Variants in PAGE5 observed in about 807,000 individuals in gnomAD.
PAGE5 encodes the protein PAGE family member 5, also known as P antigen family member 5.
Under a neutral mutation model 8.1 loss-of-function variants are expected in PAGE5, and 8 were observed. The ratio of observed to expected loss-of-function variants is 0.98; its 90% confidence interval spans 0.58 to 1.77. The LOEUF is 1.77. Ranked by LOEUF, PAGE5 falls within the 40% of genes most tolerant of loss-of-function variation. The pLI is 0.00. For synonymous variants in PAGE5, 30 were observed against 27.0 expected, an observed-to-expected ratio of 1.11 and a Z score of -0.35; for missense variants, 64 against 77.6, an observed-to-expected ratio of 0.82 and a Z score of 0.66.
chrX:55,220,576 T>C, intron 1 of PAGE5, 124 bp downstream of exon 1: 1 of 1,183,534 alleles, frequency 8.4e-7, no homozygotes, highest in Non-Finnish European at 1.1e-6. Context: ...CTCGCGGTGG[T>C]CCTCCGCCTT....
intron 4 of PAGE5, 122 bp downstream of exon 4, chrX:55,222,868 A>G (rs1346946498): frequency 1.1e-6 from 1 of 898,410 alleles, no homozygotes; most frequent in Admixed American, 3.0e-5. Flanking sequence ...AGATTCTTTG[A>G]AGGTAGTTCA....
chrX:55,223,434 G>C (rs936145104), intron 4 of PAGE5, among the ~76,000 whole-genome samples: 7 of 111,501 alleles, frequency 6.3e-5, no homozygotes, highest in African/African-American at 2.3e-4. Flanking sequence ...TGAGAGGCAG[G>C]AGTACCAATG....
In PAGE5 at chrX:55,221,814, T is replaced by C. The variant is rs1187649712; in HGVS notation, c.129T>C (p.Thr43=). 8.3e-7 allele frequency: 1 copy of C among 1,210,245 alleles called. No individual in the cohort carries two copies. Among genetic ancestry groups the C allele is most frequent in the Non-Finnish European group, 1.1e-6 (1 of 894,880 alleles). The stretch of plus-strand genomic sequence containing the variant: ...AACGTCAAGAAGAGGAACCACCAAC[T>C]GATAATCAGGGTATTGCACCTAGTG... ...EEKRQEEEPP[T]DNQGIAPSGE... is the part of the protein sequence containing the mutation. Residue 43 remains threonine, a synonymous_variant, in exon 3 of 5, where the codon ACT becomes ACC. Transcript: ENST00000374955.
At chrX:55,223,176 A>C (rs1163052696) in intron 4 of PAGE5, among the ~76,000 whole-genome samples, 1 of 112,636 alleles carries the variant, frequency 8.9e-6, no homozygotes, top group East Asian at 2.8e-4. Flanking sequence ...CATGATAAAT[A>C]TATATGATTT....
chrX:55,222,603 C>T lies in PAGE5; in HGVS notation c.191-18C>T, dbSNP rs761494646. ...GTTCATATTTTAATTCGTAAATTGA[C>T]GACTTTTTATCTTTAAGGGACTGAT... On this transcript the variant is annotated intron_variant, in intron 3 of 4. Coordinates refer to ENST00000374955, the MANE Select transcript of PAGE5 (RefSeq NM_001013435.3). 2.7e-5 allele frequency: 32 copies of T among 1,194,433 alleles called. No individual in the cohort carries two copies. Among genetic ancestry groups the T allele is most frequent in the Middle Eastern group, 2.3e-4 (1 of 4,333 alleles).
rs994377082 is a variant in PAGE5, at chrX:55,224,100, C to G, written c.*97C>G. On this transcript the variant is annotated 3_prime_UTR_variant, in exon 5 of 5. Coordinates refer to ENST00000374955, the MANE Select transcript of PAGE5 (RefSeq NM_001013435.3). ...TCTCTTAATAAAGTTTTACAGTTTTCTGCAAAGACTTCTGCACTTTTTTGT... is the reference window on the plus strand; with the variant it reads ...TCTCTTAATAAAGTTTTACAGTTTTGTGCAAAGACTTCTGCACTTTTTTGT... 1.6e-6 allele frequency: 1 copy of G among 639,118 alleles called. No homozygotes were observed. The highest frequency in any genetic ancestry group is 2.3e-5 in the African/African-American group (1 of 44,373). 52.7% of individuals were successfully genotyped at this position (639,118 alleles called of 1,213,427 possible). A position where few individuals can be genotyped will look rare whatever the true frequency, so the allele number is the denominator to read the frequency against.
At position 55,220,464 on chromosome X, in the gene PAGE5, G is replaced by C. The variant is rs767766606; in HGVS notation, c.-9+12G>C. 2.9e-4 allele frequency: 166 copies of C among 582,331 alleles called. No individual in the cohort carries two copies. Among genetic ancestry groups the C allele is most frequent in the Non-Finnish European group, 4.5e-4 (155 of 344,135 alleles). 48.0% of individuals were successfully genotyped at this position (582,331 alleles called of 1,213,427 possible). A position where few individuals can be genotyped will look rare whatever the true frequency, so the allele number is the denominator to read the frequency against. ...CCGAGACTCAGCCGGTAGGTCTGCA[G>C]AGTGGTCTTCCTGGTAATTTAGTTG... On this transcript the variant is annotated intron_variant, in intron 1 of 4. Transcript: ENST00000374955.
chrX:55,223,832 C>T (rs1363831847), intron 4 of PAGE5, among the ~76,000 whole-genome samples, 155 bp from the exon 5 acceptor site: 1 of 111,701 alleles, frequency 9.0e-6, no homozygotes, highest in Non-Finnish European at 1.9e-5. Context: ...GGAAGTCTAC[C>T]TTCTGAGTTT....
At chrX:55,221,172 T>A (rs1006367825) in intron 1 of PAGE5, among the ~76,000 whole-genome samples, 18 of 111,636 alleles carry the variant, frequency 1.6e-4, no homozygotes, top group African/African-American at 5.5e-4. Context: ...CGTTAAGGTG[T>A]TTTCTGTGCC....
In PAGE5 at chrX:55,221,760, C is replaced by A. The variant is rs368950909; in HGVS notation, c.82-7C>A. 5.0e-6 allele frequency: 6 copies of A among 1,206,809 alleles called. No homozygotes were observed. Among genetic ancestry groups the A allele is most frequent in the South Asian group, 1.8e-5 (1 of 55,993 alleles). On this transcript the variant is annotated splice_polypyrimidine_tract_variant and splice_region_variant and intron_variant, in intron 2 of 4. Coordinates refer to ENST00000374955, the MANE Select transcript of PAGE5 (RefSeq NM_001013435.3). ...CTTTTTATTCGCACACACACTTACA[C>A]CCTTAGGTCCAGCAGCCCACTGAGG...
At position 55,223,992 on chromosome X, in the gene PAGE5, G is replaced by A; in HGVS notation, c.322G>A (p.Gly108Arg). 1 of 1,147,518 alleles carries A rather than the reference G, an allele frequency of 8.7e-7. No homozygotes were observed. The highest frequency in any genetic ancestry group is 1.2e-6 in the Non-Finnish European group (1 of 854,940). 94.6% of individuals were successfully genotyped at this position (1,147,518 alleles called of 1,213,427 possible). The change falls in exon 5 of 5, where the codon GGG becomes AGG. Residue 108 changes from glycine to arginine, a missense_variant. By Grantham distance (125) the Gly-to-Arg change is moderately radical. Coordinates refer to ENST00000374955, the MANE Select transcript of PAGE5 (RefSeq NM_001013435.3). Reference protein sequence around the residue: ...DPTKVLEAGEGQL With the variant: ...DPTKVLEAGERQL ...ATTTTATATTTATATTATAGGTGAAGGGCAACTATAGGTTTAAACCAAGAC... is the reference window on the plus strand; with the variant it reads ...ATTTTATATTTATATTATAGGTGAAAGGCAACTATAGGTTTAAACCAAGAC...
chrX:55,220,735 C>A, intron 1 of PAGE5: 1 of 948,857 alleles, frequency 1.1e-6, no homozygotes, highest in Non-Finnish European at 1.4e-6. Context: ...GTCCCGAAAA[C>A]GCCTGGAACT....
chrX:55,223,919 A>G, intron 4 of PAGE5, 68 bp from the exon 5 acceptor site: 2 of 905,017 alleles, frequency 2.2e-6, no homozygotes, highest in South Asian at 5.7e-5. Flanking sequence ...CTGTAGTTGT[A>G]TACTTCTAGT....
chrX:55,220,802 G>A (rs1231983709), intron 1 of PAGE5: 5 of 607,801 alleles, frequency 8.2e-6, no homozygotes, highest in Non-Finnish European at 2.5e-6. Context: ...GGGATGGTGT[G>A]GGTGGTAAGG....
At chrX:55,220,582 G>A (rs1304273412) in intron 1 of PAGE5, 130 bp downstream of exon 1, 20 of 1,186,861 alleles carry the variant, frequency 1.7e-5, no homozygotes, top group African/African-American at 7.1e-5. Flanking sequence ...GTGGTCCTCC[G>A]CCTTCCCCCA....
At chrX:55,222,208 C>T (rs1303838406) in intron 3 of PAGE5, among the ~76,000 whole-genome samples, 1 of 112,118 alleles carries the variant, frequency 8.9e-6, no homozygotes, top group Non-Finnish European at 1.9e-5. Context: ...TGGCAGCTTG[C>T]AGCTTCCTAG....
At chrX:55,221,085 T>A (rs749740253) in intron 1 of PAGE5, among the ~76,000 whole-genome samples, 5 of 110,745 alleles carry the variant, frequency 4.5e-5, no homozygotes, top group Non-Finnish European at 9.4e-5. Flanking sequence ...CTGCCCGTTT[T>A]TTTCCTAAAT....
chrX:55,223,210 A>G (rs1026792317), intron 4 of PAGE5, among the ~76,000 whole-genome samples: 10 of 112,594 alleles, frequency 8.9e-5, no homozygotes, highest in African/African-American at 2.9e-4. Context: ...TAAAAGAAAG[A>G]TAAGAAAAGG....
In PAGE5 at chrX:55,223,090, C is replaced by T. The variant is rs539421876; in HGVS notation, c.316+344C>T. On this transcript the variant is annotated intron_variant, in intron 4 of 4. Coordinates refer to ENST00000374955, the MANE Select transcript of PAGE5 (RefSeq NM_001013435.3). ...GAGTAGATTTTGAGTGTCTTCACAG[C>T]TATATGAAATAATGCATATATTAAT... Among the ~76,000 whole-genome samples the T allele has an allele frequency of 3.2e-3, 353 of 111,911 alleles. 2 individuals are homozygous for T. Among genetic ancestry groups the T allele is most frequent in the South Asian group, 0.015 (41 of 2,718 alleles).
Sources: gnomAD v4.1 joint callset for allele counts (sites outside exome capture counted in the v4.1 genomes callset) on GRCh38, gnomAD v4.1.1 for gene constraint, MANE v1.5 for transcripts, NCBI Gene and HGNC (gene_info 2026-07-23, HGNC 2026-07-21) for gene names.